The following MAML2 variants were observed in gnomAD, a reference collection of about 807,000 sequenced individuals.
MAML2 encodes the protein mastermind-like protein 2.
Under a neutral mutation model 96.1 loss-of-function variants are expected in MAML2, and 22 were observed. The observed-to-expected ratio is 0.23, with a 90% CI of 0.16 to 0.33. The LOEUF (loss-of-function observed/expected upper bound fraction) is 0.33. MAML2 is among the 10% of genes least tolerant of loss of function. MAML2 has a pLI of 1.00. For missense variants in MAML2, 1,367 were observed against 1,392.4 expected (o/e 0.98, Z 0.29); for synonymous variants, 561 against 521.3 (o/e 1.08, Z -1.04).
chr11:96,105,519 T>C (rs1234293866), intron 1 of MAML2, among the ~76,000 whole-genome samples: 1 of 152,204 alleles, frequency 6.6e-6, no homozygotes, highest in Non-Finnish European at 1.5e-5. Context: ...TTTAACTCCA[T>C]TACAAAGGAA....
chr11:96,015,822 A>G (rs909338116), intron 2 of MAML2, among the ~76,000 whole-genome samples: 2 of 152,158 alleles, frequency 1.3e-5, no homozygotes, highest in Admixed American at 1.3e-4. Context: ...AATGATATTG[A>G]ATCATGAATG....
intron 1 of MAML2, among the ~76,000 whole-genome samples, chr11:96,307,674 G>C (rs1015458925): frequency 6.6e-6 from 1 of 152,166 alleles, no homozygotes; most frequent in African/African-American, 2.4e-5. Context: ...CTAGCAGTAA[G>C]AGCAGGGTGG....
At chr11:96,096,505 A>G (rs945325927) in intron 1 of MAML2, among the ~76,000 whole-genome samples, 7 of 152,168 alleles carry the variant, frequency 4.6e-5, no homozygotes, top group Non-Finnish European at 8.8e-5. Flanking sequence ...GTATCTTTTC[A>G]AAGGACAGAC....
intron 1 of MAML2, among the ~76,000 whole-genome samples, chr11:96,142,088 G>A (rs1860740747): frequency 6.6e-6 from 1 of 152,204 alleles, no homozygotes. Flanking sequence ...ACAATCTAGT[G>A]CAGGAAAGCA....
intron 1 of MAML2, among the ~76,000 whole-genome samples, chr11:96,225,373 A>G (rs1039586403): frequency 6.6e-6 from 1 of 152,184 alleles, no homozygotes; most frequent in African/African-American, 2.4e-5. Context: ...CAGATCTTCC[A>G]TCTCTATTCA....
At chr11:96,312,479 G>C (rs1402047343) in intron 1 of MAML2, among the ~76,000 whole-genome samples, 1 of 152,122 alleles carries the variant, frequency 6.6e-6, no homozygotes, top group Non-Finnish European at 1.5e-5. Context: ...AGTCTGAATG[G>C]ACAGTAGGAA....
chr11:96,076,657 C>A (rs11021423), intron 2 of MAML2, among the ~76,000 whole-genome samples: 14 of 152,168 alleles, frequency 9.2e-5, no homozygotes, highest in Non-Finnish European at 2.1e-4. Flanking sequence ...TCTGGCTTCA[C>A]TACAGAATAT....
At chr11:96,215,840 G>T (rs1474060270) in intron 1 of MAML2, among the ~76,000 whole-genome samples, 1 of 152,080 alleles carries the variant, frequency 6.6e-6, no homozygotes, top group East Asian at 1.9e-4. Context: ...TCAAATGATA[G>T]ATCCAAGTCC....
At chr11:96,106,572 C>T (rs762970456) in intron 1 of MAML2, among the ~76,000 whole-genome samples, 22 of 152,174 alleles carry the variant, frequency 1.4e-4, no homozygotes, top group Non-Finnish European at 2.5e-4. Context: ...ACTTCAAGGA[C>T]CTCATTCTGT....
intron 1 of MAML2, among the ~76,000 whole-genome samples, chr11:96,221,457 C>T (rs548113920): frequency 6.6e-6 from 1 of 152,252 alleles, no homozygotes; most frequent in African/African-American, 2.4e-5. Flanking sequence ...ATTTTGGGAA[C>T]AGTGTAACAC....
At chr11:96,178,289 G>A (rs1308498197) in intron 1 of MAML2, among the ~76,000 whole-genome samples, 1 of 152,090 alleles carries the variant, frequency 6.6e-6, no homozygotes, top group Non-Finnish European at 1.5e-5. Flanking sequence ...CCATGATGAG[G>A]ACATGGTTTC....
chr11:96,203,702 T>C (rs1861857631), intron 1 of MAML2, among the ~76,000 whole-genome samples: 1 of 152,114 alleles, frequency 6.6e-6, no homozygotes, highest in Non-Finnish European at 1.5e-5. Flanking sequence ...GCAAAATACA[T>C]ATATGGTGTA....
intron 2 of MAML2, among the ~76,000 whole-genome samples, chr11:96,077,217 C>T (rs374901471): frequency 5.1e-3 from 198 of 38,490 alleles, no homozygotes; most frequent in African/African-American, 0.022. Context: ...AACTCTCTCT[C>T]TCTTTTTTTT....
chr11:95,980,105 A>G, intron 4 of MAML2, 142 bp from the exon 5 acceptor site: 1 of 690,594 alleles, frequency 1.4e-6, no homozygotes, highest in East Asian at 2.7e-5. Context: ...AAATTATATA[A>G]AAGGAACAAG....
chr11:96,189,861 A>G (rs1818975759), intron 1 of MAML2, among the ~76,000 whole-genome samples: 1 of 152,210 alleles, frequency 6.6e-6, no homozygotes, highest in East Asian at 1.9e-4. Flanking sequence ...AGTTGGCTTA[A>G]TTTATTATTC....
intron 1 of MAML2, among the ~76,000 whole-genome samples, chr11:96,237,215 C>G (rs1862377621): frequency 6.6e-6 from 1 of 152,164 alleles, no homozygotes. Flanking sequence ...AGTCAGTATT[C>G]TTCTCATCCT....
At chr11:96,045,549 AACC>A (rs1259607143) in intron 2 of MAML2, among the ~76,000 whole-genome samples, 1 of 152,222 alleles carries the variant, frequency 6.6e-6, no homozygotes, top group African/African-American at 2.4e-5. Flanking sequence ...TGCCATTCAA[AACC>A]AGTTTCAACA....
chr11:96,179,720 C>T (rs912661037), intron 1 of MAML2, among the ~76,000 whole-genome samples: 2 of 152,216 alleles, frequency 1.3e-5, no homozygotes, highest in African/African-American at 4.8e-5. Context: ...ACCTGGGAAG[C>T]CACCAAGGTC....
chr11:96,276,343 C>G (rs147234362), intron 1 of MAML2, among the ~76,000 whole-genome samples: 34 of 152,296 alleles, frequency 2.2e-4, no homozygotes, highest in African/African-American at 8.2e-4. Context: ...CCATCTCTCT[C>G]TCTTGGAAAA....
Sources: gnomAD v4.1 joint callset for allele counts (sites outside exome capture counted in the v4.1 genomes callset) on GRCh38, gnomAD v4.1.1 for gene constraint, MANE v1.5 for transcripts, NCBI Gene and HGNC (gene_info 2026-07-23, HGNC 2026-07-21) for gene names.